The following LIMS2 variants were observed in gnomAD, a reference collection of about 807,000 sequenced individuals.
LIMS2 encodes the protein LIM zinc finger domain containing 2, also known as LIM and senescent cell antigen-like-containing domain protein 2.
LIMS2 carries 30 observed loss-of-function variants against 45.3 expected under a neutral mutation model. That is an observed-to-expected ratio of 0.66 (90% CI 0.50 to 0.90). The LOEUF (loss-of-function observed/expected upper bound fraction) is 0.90, where lower values mean the gene tolerates loss of function less well. Ranked by LOEUF, LIMS2 falls within the 40% of genes least tolerant of loss-of-function variation. The probability of loss-of-function intolerance (pLI) is 0.00; values close to 1 mark genes in which losing one functional copy is unlikely to be tolerated. For missense variants in LIMS2, 485 were observed against 468.7 expected (o/e 1.03, Z -0.32); for synonymous variants, 173 against 188.0 (o/e 0.92, Z 0.65).
In LIMS2 at chr2:127,651,730, CGCTGAGT is replaced by C. The variant is rs747978437; in HGVS notation, c.359+2687_359+2693del. ...TTCGAAGGGAAAACCAACGAGAGCT[CGCTGAGT>C]GCCAAGTCAGAGCTGTGAGCGGGGG... On this transcript the variant is annotated intron_variant, in intron 4 of 9. Coordinates refer to ENST00000355119, the MANE Select transcript of LIMS2 (RefSeq NM_001161403.3). The C allele has an allele frequency of 2.9e-5, 47 of 1,612,686 alleles. 1 individual carries two copies. The South Asian group carries it at 5.1e-4, about 17-fold the overall frequency.
chr2:127,639,478 C>T (rs1682178900), intron 9 of LIMS2, 50 bp from the exon 10 acceptor site: 2 of 1,601,346 alleles, frequency 1.2e-6, no homozygotes, highest in East Asian at 2.2e-5. Context: ...ACCCCTTTAA[C>T]CCCAGACAGG....
chr2:127,680,371 T>G (rs938057484), upstream of LIMS2, among the ~76,000 whole-genome samples: 41 of 152,368 alleles, frequency 2.7e-4, no homozygotes, highest in African/African-American at 8.7e-4. Context: ...GAGGATCGCT[T>G]GAGCCCAGGA....
intron 1 of LIMS2, among the ~76,000 whole-genome samples, chr2:127,665,739 C>T (rs1573840437): frequency 6.6e-6 from 1 of 152,200 alleles, no homozygotes; most frequent in Admixed American, 6.5e-5. Context: ...TAGACCCTCT[C>T]ACCACTCCCG....
chr2:127,676,855 T>C (rs1403078140), upstream of LIMS2, among the ~76,000 whole-genome samples: 1 of 152,186 alleles, frequency 6.6e-6, no homozygotes, highest in Non-Finnish European at 1.5e-5. Context: ...GGACGGTTAA[T>C]TGAATATCAG....
At chr2:127,649,935 G>A (rs1683541315) in intron 4 of LIMS2, 1 of 1,251,398 alleles carries the variant, frequency 8.0e-7, no homozygotes, top group African/African-American at 1.5e-5. Context: ...GATCTACTCT[G>A]GGAGAGAAAA....
At chr2:127,652,043 C>A (rs903861702) in intron 4 of LIMS2, 1 of 439,862 alleles carries the variant, frequency 2.3e-6, no homozygotes, top group Non-Finnish European at 4.2e-6. Context: ...AACCCCTGAA[C>A]AATGGAGGCC....
Position 127,654,503 on chromosome 2 carries a change from TG to T in LIMS2, c.279del (p.Asn93LysfsTer23). On this transcript the variant is annotated frameshift_variant, in exon 4 of 10. Transcript: ENST00000355119. LOFTEE classifies it high-confidence loss of function. ...IIGRVIKAMN[N>X]NWHPGCFRCE... is the part of the protein sequence containing the mutation. ...CAGCGGAAGCAGCCCGGGTGCCAGTTGTTGTTCATGGCCTTGATGACGCGGC... is the reference window on the plus strand; with the variant it reads ...CAGCGGAAGCAGCCCGGGTGCCAGTTTTGTTCATGGCCTTGATGACGCGGC... 1 of 1,614,152 alleles carries T rather than the reference TG, an allele frequency of 6.2e-7. No individual in the cohort carries two copies. Among genetic ancestry groups the T allele is most frequent in the Non-Finnish European group, 8.5e-7 (1 of 1,179,992 alleles).
chr2:127,648,060 C>T (rs1683193175), intron 4 of LIMS2: 2 of 985,678 alleles, frequency 2.0e-6, no homozygotes, highest in African/African-American at 3.5e-5. Flanking sequence ...GCCCTCAGCT[C>T]TCCGCCCTCA....
At chr2:127,657,872 C>T (rs939726506) in intron 1 of LIMS2, among the ~76,000 whole-genome samples, 6 of 152,210 alleles carry the variant, frequency 3.9e-5, no homozygotes, top group African/African-American at 1.4e-4. Context: ...CATTTAATCC[C>T]CAGGGCAATA....
Position 127,664,184 on chromosome 2 carries a change from G to A in LIMS2, c.12-6622C>T. The A allele has an allele frequency of 1.3e-6, 1 of 776,412 alleles. No individual in the cohort carries two copies. The highest frequency in any genetic ancestry group is 1.7e-6 in the Non-Finnish European group (1 of 592,138). The allele number at this position is 776,412 out of a possible 1,614,324, so 48.1% of individuals were successfully genotyped here. A position where few individuals can be genotyped will look rare whatever the true frequency, so the allele number is the denominator to read the frequency against. ...CCTGTCGCCAACCCAGGGCCCATCC[G>A]ACGCCGGGGCAGAGCCCACGGCGTC... On this transcript the variant is annotated intron_variant, in intron 1 of 9. Transcript: ENST00000355119. This position sits in a 1 kb window ranked among gnomAD's most constrained non-coding sequence, Gnocchi z 5.5.
intron 1 of LIMS2, among the ~76,000 whole-genome samples, chr2:127,670,762 G>A (rs1558902786): frequency 6.6e-6 from 1 of 152,228 alleles, no homozygotes; most frequent in Non-Finnish European, 1.5e-5. Flanking sequence ...CGTGCCCTCA[G>A]CCCAGTGGGC....
At chr2:127,646,524 G>A (rs1309629330) in intron 4 of LIMS2, 3 of 152,298 alleles carry the variant, frequency 2.0e-5, no homozygotes, top group Admixed American at 1.3e-4. Flanking sequence ...AGGCAGCCTT[G>A]ACCCATAGAG....
At position 127,642,335 on chromosome 2, in the gene LIMS2, G is replaced by C. The variant is rs921857372; in HGVS notation, c.510-136C>G. On this transcript the variant is annotated intron_variant, in intron 5 of 9. Coordinates refer to ENST00000355119, the MANE Select transcript of LIMS2 (RefSeq NM_001161403.3). This position sits in a 1 kb window ranked among gnomAD's most constrained non-coding sequence, Gnocchi z 5.3. ...CAGAGCCGAGGCGGCAGCGCCTTCT[G>C]ATCTCTGGGCACTTTGAAGACTTCC... The C allele has an allele frequency of 5.8e-6, 6 of 1,026,634 alleles. No homozygotes were observed. The Admixed American group carries it at 1.2e-4, about 21-fold the overall frequency. The allele number at this position is 1,026,634 out of a possible 1,614,324, so 63.6% of individuals were successfully genotyped here. A position where few individuals can be genotyped will look rare whatever the true frequency, so the allele number is the denominator to read the frequency against.
rs78876365 is a variant in LIMS2, at chr2:127,672,469, C to A, written c.11+2545G>T. Reference sequence around the variant, plus strand: ...CTCAGACTTGCCACAGCTCTTCAAGCACTCCACAACCACACCAAGCATGCC... The same window carrying A: ...CTCAGACTTGCCACAGCTCTTCAAGAACTCCACAACCACACCAAGCATGCC... On this transcript the variant is annotated intron_variant, in intron 1 of 9. Transcript: ENST00000355119. The surrounding 1 kb of genome is among the most constrained non-coding windows in gnomAD (Gnocchi z 4.9). 2.2e-3 allele frequency among the ~76,000 whole-genome samples: 332 copies of A among 152,228 alleles called. 1 individual carries two copies. The highest frequency in any genetic ancestry group is 7.5e-3 in the African/African-American group (313 of 41,528).
At chr2:127,645,328 T>A (rs1407498420) in intron 4 of LIMS2, among the ~76,000 whole-genome samples, 1 of 152,238 alleles carries the variant, frequency 6.6e-6, no homozygotes, top group Non-Finnish European at 1.5e-5. Context: ...TAAAGTCTTT[T>A]GAAACCAGGA....
intron 4 of LIMS2, 49 bp downstream of exon 4, chr2:127,654,375 C>A: frequency 6.2e-7 from 1 of 1,612,010 alleles, no homozygotes; most frequent in South Asian, 1.1e-5. Flanking sequence ...GCAGGTGTGC[C>A]AGGAAGGGCT....
At chr2:127,650,712 C>A (rs1683660571) in intron 4 of LIMS2, 2 of 1,596,166 alleles carry the variant, frequency 1.3e-6, no homozygotes, top group African/African-American at 2.7e-5. Context: ...CTTGTTCCCT[C>A]CAGGCTCTGA....
chr2:127,639,233 G>A lies in LIMS2; in HGVS notation c.*48C>T, dbSNP rs1310577037. 1 of 1,601,096 alleles carries A rather than the reference G, an allele frequency of 6.2e-7. No homozygotes were observed. The highest frequency in any genetic ancestry group is 8.5e-7 in the Non-Finnish European group (1 of 1,172,184). On this transcript the variant is annotated 3_prime_UTR_variant, in exon 10 of 10. Transcript: ENST00000355119. ...ACGAGGGGGCCAAGCATGGACAGCAGGAGGGGAGAAGGCGGAGGGGCCGAG... is the reference window on the plus strand; with the variant it reads ...ACGAGGGGGCCAAGCATGGACAGCAAGAGGGGAGAAGGCGGAGGGGCCGAG...
At chr2:127,658,987 A>G (rs1684444026) in intron 1 of LIMS2, among the ~76,000 whole-genome samples, 1 of 152,160 alleles carries the variant, frequency 6.6e-6, no homozygotes, top group South Asian at 2.1e-4. Context: ...GCGGCCTGCA[A>G]TCTGGGCAGG....
Sources: gnomAD v4.1 joint callset for allele counts (sites outside exome capture counted in the v4.1 genomes callset) on GRCh38, gnomAD v4.1.1 for gene constraint, Gnocchi (gnomAD v3.1) non-coding constraint, MANE v1.5 for transcripts, NCBI Gene and HGNC (gene_info 2026-07-23, HGNC 2026-07-21) for gene names.